The following WARS2 variants were observed in gnomAD, a reference collection of about 807,000 sequenced individuals.
WARS2 encodes tryptophanyl tRNA synthetase 2, mitochondrial.
A neutral mutation model predicts 36.5 loss-of-function variants in WARS2; 28 were observed. The ratio of observed to expected loss-of-function variants is 0.77; its 90% CI spans 0.57 to 1.05. WARS2 has a LOEUF of 1.05. Ranked by LOEUF, WARS2 falls within the 50% of genes least tolerant of loss-of-function variation. The pLI, the probability that WARS2 is intolerant of heterozygous loss-of-function variation, is 0.00. For missense variants in WARS2, 435 were observed against 456.8 expected, an observed-to-expected ratio of 0.95 and a Z score of 0.44; for synonymous variants, 174 against 178.4, an observed-to-expected ratio of 0.98 and a Z score of 0.20.
intron 1 of WARS2, among the ~76,000 whole-genome samples, chr1:119,119,608 C>T (rs1655206430): frequency 2.6e-5 from 4 of 152,038 alleles, no homozygotes; most frequent in Admixed American, 2.6e-4. Context: ...GCAGAATATA[C>T]ATTTTTTCAT....
At chr1:119,033,943 A>G (rs1037114360) in intron 5 of WARS2, 152 bp downstream of exon 5, 17 of 564,654 alleles carry the variant, frequency 3.0e-5, no homozygotes, top group African/African-American at 5.6e-5. Flanking sequence ...CTAGTCCTAC[A>G]CTAGAGAAAA....
At chr1:119,081,627 T>A (rs1652196498) in intron 1 of WARS2, among the ~76,000 whole-genome samples, 1 of 152,250 alleles carries the variant, frequency 6.6e-6, no homozygotes, top group East Asian at 1.9e-4. Flanking sequence ...AATCTCTTTC[T>A]ATAAGTCTAT....
In WARS2 at chr1:119,032,382, C is replaced by CT. The variant is rs1647495013; in HGVS notation, c.*528dup. Reference sequence around the variant, plus strand: ...ATCTCTTGGAAAACAAGTTAAGCAGCTTAAATATATTAAATCAGGCACCGT... The same window carrying CT: ...ATCTCTTGGAAAACAAGTTAAGCAGCTTTAAATATATTAAATCAGGCACCGT... On this transcript the variant is annotated 3_prime_UTR_variant, in exon 6 of 6. Transcript: ENST00000235521. 1 of 152,972 alleles carries CT rather than the reference C, an allele frequency of 6.5e-6. No individual in the cohort carries two copies. Among genetic ancestry groups the CT allele is most frequent in the Admixed American group, 6.5e-5 (1 of 15,360 alleles). The allele number at this position is 152,972 out of a possible 1,614,324, so 9.5% of individuals were successfully genotyped here. A position where few individuals can be genotyped will look rare whatever the true frequency, so the allele number is the denominator to read the frequency against.
At position 119,072,025 on chromosome 1, in the gene WARS2, T is replaced by C. The variant is rs587761706; in HGVS notation, c.348+4325A>G. The stretch of plus-strand genomic sequence containing the variant: ...TGATTTTTGTATTACAAAACATAAG[T>C]CATCACCATGATGATCTTTCACCTA... On this transcript the variant is annotated intron_variant, in intron 2 of 5. Coordinates refer to ENST00000235521, the MANE Select transcript of WARS2 (RefSeq NM_015836.4). Among the ~76,000 whole-genome samples, 352 of 152,238 alleles carry C rather than the reference T, an allele frequency of 2.3e-3. 3 individuals are homozygous for C. Among genetic ancestry groups the C allele is most frequent in the African/African-American group, 8.2e-3 (342 of 41,552 alleles).
chr1:119,137,209 C>G (rs1362995537), intron 1 of WARS2, among the ~76,000 whole-genome samples: 1 of 152,132 alleles, frequency 6.6e-6, no homozygotes, highest in Admixed American at 6.5e-5. Context: ...TTATTCAAGA[C>G]AAAGCTTGGT....
At chr1:119,069,147 C>G (rs1484983167) in intron 2 of WARS2, among the ~76,000 whole-genome samples, 6 of 152,124 alleles carry the variant, frequency 3.9e-5, no homozygotes, top group African/African-American at 1.4e-4. Context: ...CAATAGCACA[C>G]AGAAAAATAG....
intron 2 of WARS2, among the ~76,000 whole-genome samples, chr1:119,056,553 AATAT>A (rs1312158185): frequency 6.8e-6 from 1 of 147,542 alleles, no homozygotes; most frequent in Non-Finnish European, 1.5e-5. Flanking sequence ...ATATATACTA[AATAT>A]ATATATTATA....
At chr1:119,115,045 T>C (rs1654873034) in intron 1 of WARS2, among the ~76,000 whole-genome samples, 1 of 152,178 alleles carries the variant, frequency 6.6e-6, no homozygotes, top group Non-Finnish European at 1.5e-5. Flanking sequence ...TTGTCAGATT[T>C]CTGGAAAGCT....
chr1:119,074,026 A>G (rs1651528654), intron 2 of WARS2, among the ~76,000 whole-genome samples: 2 of 152,206 alleles, frequency 1.3e-5, no homozygotes, highest in Admixed American at 6.5e-5. Flanking sequence ...GGAAATAGGT[A>G]CTCGTGGCTG....
chr1:119,139,847 C>G (rs1446555801), intron 1 of WARS2: 1 of 152,166 alleles, frequency 6.6e-6, no homozygotes, highest in Non-Finnish European at 1.5e-5. Context: ...TCCCCTCCCC[C>G]TGACTTTTTT....
chr1:119,064,232 C>T (rs1371899933), intron 2 of WARS2: 1 of 152,190 alleles, frequency 6.6e-6, no homozygotes, highest in Non-Finnish European at 1.5e-5. Flanking sequence ...AACCCCTTTG[C>T]TTTGACCAAT....
intron 1 of WARS2, among the ~76,000 whole-genome samples, chr1:119,137,280 A>T (rs587734967): frequency 8.4e-4 from 128 of 152,340 alleles, no homozygotes; most frequent in African/African-American, 3.0e-3. Flanking sequence ...AAATTATTTT[A>T]AAATTAAAAA....
At chr1:119,121,799 A>G (rs947342434) in intron 1 of WARS2, among the ~76,000 whole-genome samples, 4 of 152,120 alleles carry the variant, frequency 2.6e-5, no homozygotes, top group African/African-American at 9.6e-5. Flanking sequence ...AGGAAAGGAC[A>G]CCCTATTCAA....
chr1:119,077,020 G>C (rs12045196), intron 1 of WARS2, among the ~76,000 whole-genome samples: 125,151 of 151,490 alleles, frequency 0.83, 52,375 homozygotes, highest in African/African-American at 0.94. Context: ...CACCTTTAAT[G>C]CCAGCTACTC....
At chr1:119,071,166 C>T (rs1465901665) in intron 2 of WARS2, among the ~76,000 whole-genome samples, 4 of 151,876 alleles carry the variant, frequency 2.6e-5, no homozygotes, top group African/African-American at 7.3e-5. Context: ...AGCGAGATTC[C>T]GTCTAAAAAA....
intron 1 of WARS2, among the ~76,000 whole-genome samples, chr1:119,122,074 G>A (rs587664858): frequency 2.6e-5 from 4 of 152,308 alleles, no homozygotes; most frequent in African/African-American, 2.4e-5. Flanking sequence ...TGCCTGCACA[G>A]CAAAAACAAT....
At chr1:119,100,059 G>T (rs1160903978) in intron 1 of WARS2, among the ~76,000 whole-genome samples, 2 of 152,000 alleles carry the variant, frequency 1.3e-5, no homozygotes, top group Admixed American at 1.3e-4. Flanking sequence ...ATCTGACAGG[G>T]GACTAATACC....
intron 2 of WARS2, among the ~76,000 whole-genome samples, chr1:119,049,969 A>C (rs1301468384): frequency 6.6e-6 from 1 of 152,124 alleles, no homozygotes; most frequent in African/African-American, 2.4e-5. Context: ...TGACGCCTTT[A>C]CAACATAGAT....
chr1:119,039,740 T>G (rs1648190086), intron 4 of WARS2, among the ~76,000 whole-genome samples: 1 of 152,214 alleles, frequency 6.6e-6, no homozygotes, highest in African/African-American at 2.4e-5. Flanking sequence ...CTTCCATTCC[T>G]TTCTATTATG....
Sources: allele counts gnomAD v4.1 joint callset (sites outside exome capture counted in the v4.1 genomes callset), GRCh38; gene constraint gnomAD v4.1.1; transcripts MANE v1.5; gene names NCBI Gene and HGNC (gene_info 2026-07-23, HGNC 2026-07-21).